Variants in ADAMTS6 observed in about 807,000 individuals in gnomAD.
The protein encoded by ADAMTS6 is ADAM metallopeptidase with thrombospondin type 1 motif 6, also known as A disintegrin and metalloproteinase with thrombospondin motifs 6.
A neutral mutation model predicts 144.3 loss-of-function variants in ADAMTS6; 23 were observed. That is an observed-to-expected ratio of 0.16 (90% CI 0.11 to 0.23). ADAMTS6 has a LOEUF of 0.23. Ranked by LOEUF, ADAMTS6 falls within the 10% of genes least tolerant of loss-of-function variation. ADAMTS6 has a pLI of 1.00. For missense variants in ADAMTS6, 999 were observed against 1,379.6 expected (o/e 0.72, Z 4.37); for synonymous variants, 444 against 457.5 (o/e 0.97, Z 0.38).
chr5:65,464,003 TC>T (rs1427071945), intron 3 of ADAMTS6, among the ~76,000 whole-genome samples: 1 of 152,190 alleles, frequency 6.6e-6, no homozygotes, highest in African/African-American at 2.4e-5. Context: ...GCCATGATCT[TC>T]TCCCTCCTTT....
intron 7 of ADAMTS6, among the ~76,000 whole-genome samples, chr5:65,379,398 T>C (rs571255743): frequency 1.3e-3 from 194 of 152,170 alleles, no homozygotes; most frequent in Non-Finnish European, 2.3e-3. Flanking sequence ...TGTAAACACA[T>C]ACTGCCAGAA....
chr5:65,307,118 T>C (rs1744009978), intron 9 of ADAMTS6, among the ~76,000 whole-genome samples: 1 of 152,238 alleles, frequency 6.6e-6, no homozygotes, highest in Non-Finnish European at 1.5e-5. Flanking sequence ...TTCCATATTA[T>C]CTTCTGAAAT....
chr5:65,175,077 C>T (rs1289545033), intron 22 of ADAMTS6, among the ~76,000 whole-genome samples: 1 of 152,114 alleles, frequency 6.6e-6, no homozygotes, highest in Non-Finnish European at 1.5e-5. Flanking sequence ...AGTTCCCATA[C>T]ATAGACCCTT....
rs1388116832 is a variant in ADAMTS6, at chr5:65,392,309, C to T, written c.1074-58224G>A. On this transcript the variant is annotated intron_variant, in intron 7 of 24. Coordinates refer to ENST00000381055, the MANE Select transcript of ADAMTS6 (RefSeq NM_197941.4). ...TCTAACACTTGAAGTTAATCAAATA[C>T]CCTGCTCCTCATCAAAATCCTCCCC... Among the ~76,000 whole-genome samples, 12 of 152,200 alleles carry T rather than the reference C, an allele frequency of 7.9e-5. No homozygotes were observed. In the East Asian group the frequency reaches 1.9e-3, roughly 25 times the overall value.
chr5:65,193,281 G>A lies in ADAMTS6; in HGVS notation c.2705+3741C>T, dbSNP rs575095031. ...ACCATAAATAACATGGAAAATAGAC[G>A]ACAAACTAGGAAAAAATATTCAGAA... is the stretch of plus-strand genomic sequence containing the variant. On this transcript the variant is annotated intron_variant, in intron 21 of 24. Transcript: ENST00000381055. Among the ~76,000 whole-genome samples the A allele has an allele frequency of 7.2e-5, 11 of 151,832 alleles. 1 individual carries two copies. In the South Asian group the frequency reaches 2.3e-3, roughly 32 times the overall value.
chr5:65,236,989 T>G (rs1050483167), intron 15 of ADAMTS6, among the ~76,000 whole-genome samples: 3 of 152,038 alleles, frequency 2.0e-5, no homozygotes, highest in African/African-American at 7.2e-5. Context: ...CACTACATAT[T>G]TTATAAATAT....
intron 24 of ADAMTS6, among the ~76,000 whole-genome samples, chr5:65,153,886 C>T (rs1342080883): frequency 1.3e-5 from 2 of 152,118 alleles, no homozygotes; most frequent in South Asian, 4.1e-4. Context: ...CTCCCTTCAC[C>T]TGCCTACCCA....
intron 12 of ADAMTS6, among the ~76,000 whole-genome samples, chr5:65,270,727 G>A (rs1446204525): frequency 3.3e-5 from 5 of 152,040 alleles, no homozygotes; most frequent in African/African-American, 4.8e-5. Context: ...AGTGATATCC[G>A]CTATATTGGC....
At chr5:65,434,987 T>C (rs1369451531) in intron 7 of ADAMTS6, among the ~76,000 whole-genome samples, 3 of 152,322 alleles carry the variant, frequency 2.0e-5, no homozygotes, top group African/African-American at 4.8e-5. Context: ...ATAATCTAAA[T>C]GCTCATAGGT....
intron 24 of ADAMTS6, among the ~76,000 whole-genome samples, chr5:65,161,342 T>C (rs999333031): frequency 6.6e-6 from 1 of 152,248 alleles, no homozygotes. Flanking sequence ...CCGGCCTCCT[T>C]GTCTCTTTTG....
At chr5:65,286,769 GC>G (rs1383930727) in intron 11 of ADAMTS6, among the ~76,000 whole-genome samples, 1 of 152,146 alleles carries the variant, frequency 6.6e-6, no homozygotes, top group Admixed American at 6.5e-5. Context: ...ATTAATCTAT[GC>G]TTTTTGGGAA....
chr5:65,365,970 T>C (rs1750272880), intron 7 of ADAMTS6, among the ~76,000 whole-genome samples: 2 of 152,058 alleles, frequency 1.3e-5, no homozygotes, highest in Non-Finnish European at 1.5e-5. Context: ...GAGATAAGTT[T>C]CTGGTTCTGT....
At chr5:65,450,667 G>A (rs1420528967) in intron 7 of ADAMTS6, among the ~76,000 whole-genome samples, 2 of 152,102 alleles carry the variant, frequency 1.3e-5, no homozygotes, top group African/African-American at 2.4e-5. Context: ...ATAAGTAAGA[G>A]TATTAAAAAC....
At chr5:65,395,326 AT>A (rs904706589) in intron 7 of ADAMTS6, among the ~76,000 whole-genome samples, 2 of 152,166 alleles carry the variant, frequency 1.3e-5, no homozygotes, top group Non-Finnish European at 2.9e-5. Flanking sequence ...GAGCCTTGTA[AT>A]TTTTTAAATG....
At chr5:65,270,399 C>T (rs1761962438) in intron 12 of ADAMTS6, among the ~76,000 whole-genome samples, 1 of 152,122 alleles carries the variant, frequency 6.6e-6, no homozygotes, top group African/African-American at 2.4e-5. Context: ...CAAGAGGTAA[C>T]ATGGTCAATA....
At chr5:65,435,221 G>C (rs1287282384) in intron 7 of ADAMTS6, among the ~76,000 whole-genome samples, 3 of 152,062 alleles carry the variant, frequency 2.0e-5, no homozygotes, top group Admixed American at 2.0e-4. Flanking sequence ...CTTAATCTTT[G>C]GGTATATGTG....
chr5:65,288,360 GCTGGA>G (rs1360768783), intron 11 of ADAMTS6, among the ~76,000 whole-genome samples: 2 of 148,886 alleles, frequency 1.3e-5, no homozygotes, highest in African/African-American at 5.0e-5. Flanking sequence ...TGTAGCCCAG[GCTGGA>G]CTGGAGTGCA....
chr5:65,206,616 C>T (rs1438474448), intron 20 of ADAMTS6, among the ~76,000 whole-genome samples: 5 of 147,178 alleles, frequency 3.4e-5, no homozygotes, highest in Admixed American at 1.4e-4. Context: ...AGGGGAATTG[C>T]TTGAACCAGG....
intron 7 of ADAMTS6, among the ~76,000 whole-genome samples, chr5:65,394,116 G>C (rs1753146516): frequency 6.6e-6 from 1 of 152,150 alleles, no homozygotes; most frequent in Admixed American, 6.5e-5. Context: ...CAGGATCTAT[G>C]TTTCTTTCCC....
Sources: gnomAD v4.1 joint callset for allele counts (sites outside exome capture counted in the v4.1 genomes callset) on GRCh38, gnomAD v4.1.1 for gene constraint, MANE v1.5 for transcripts, NCBI Gene and HGNC (gene_info 2026-07-23, HGNC 2026-07-21) for gene names.